Variants in CEP126 observed in about 807,000 individuals in gnomAD.
CEP126 encodes the protein centrosomal protein of 126 kDa.
In CEP126, 74 loss-of-function variants were observed where a neutral mutation model predicts 107.8. That is an observed-to-expected ratio of 0.69 (90% confidence interval 0.57 to 0.83). The LOEUF is 0.83. CEP126 is among the 40% of genes least tolerant of loss of function. The pLI, the probability that CEP126 is intolerant of heterozygous loss-of-function variation, is 0.00. For synonymous variants in CEP126, 449 were observed against 446.0 expected (o/e 1.01, Z -0.08); for missense variants, 1,237 against 1,281.9 (o/e 0.96, Z 0.53).
intron 2 of CEP126, among the ~76,000 whole-genome samples, chr11:101,939,293 CTGA>C (rs1940634660): frequency 6.6e-6 from 1 of 152,038 alleles, no homozygotes; most frequent in Non-Finnish European, 1.5e-5. Flanking sequence ...TTGTGTCTTC[CTGA>C]TGAATTGACC....
At chr11:101,948,911 T>A (rs1246820581) in intron 4 of CEP126, among the ~76,000 whole-genome samples, 2 of 152,218 alleles carry the variant, frequency 1.3e-5, no homozygotes, top group East Asian at 3.8e-4. Context: ...GTTAATATTT[T>A]ACCTGTGCAT....
intron 3 of CEP126, 25 bp from the exon 4 acceptor site, chr11:101,948,006 T>C: frequency 2.2e-6 from 3 of 1,342,024 alleles, no homozygotes; most frequent in Non-Finnish European, 3.2e-6. Context: ...GATTCTGTAC[T>C]GTTCGGTCTT....
intron 6 of CEP126, among the ~76,000 whole-genome samples, chr11:101,971,374 A>G (rs1941126590): frequency 1.3e-5 from 2 of 152,174 alleles, no homozygotes; most frequent in Non-Finnish European, 2.9e-5. Flanking sequence ...GATGGCACAG[A>G]GTATCAAAGG....
intron 8 of CEP126, among the ~76,000 whole-genome samples, chr11:101,984,980 A>G (rs1404224780): frequency 6.6e-6 from 1 of 152,228 alleles, no homozygotes; most frequent in Admixed American, 6.5e-5. Flanking sequence ...TGTGGTGCTT[A>G]GTTGCCCTGA....
intron 7 of CEP126, among the ~76,000 whole-genome samples, chr11:101,979,488 C>T (rs1006753186): frequency 2.0e-5 from 3 of 152,146 alleles, no homozygotes; most frequent in Non-Finnish European, 4.4e-5. Flanking sequence ...TGGCTCATGC[C>T]TGTAGTCCCA....
chr11:102,000,854 A>G lies in CEP126; in HGVS notation c.*3211A>G, dbSNP rs193142770. 2.3e-4 allele frequency: 35 copies of G among 152,338 alleles called. No individual in the cohort carries two copies. The highest frequency in any genetic ancestry group is 1.0e-3 in the Admixed American group (16 of 15,310). 9.4% of individuals were successfully genotyped at this position (152,338 alleles called of 1,614,324 possible). On this transcript the variant is annotated 3_prime_UTR_variant, in exon 11 of 11. Coordinates refer to ENST00000263468, the MANE Select transcript of CEP126 (RefSeq NM_020802.4). ...AAAATTGGCATCAGGAAGGATTACC[A>G]TGAACTTATTTTAAATCCATATTGT...
At chr11:101,947,111 G>C (rs2137098509) in intron 3 of CEP126, among the ~76,000 whole-genome samples, 1 of 151,958 alleles carries the variant, frequency 6.6e-6, no homozygotes, top group African/African-American at 2.4e-5. Flanking sequence ...TCCTATTTTT[G>C]CTTAAACATT....
In CEP126 at chr11:102,000,745, A is replaced by G. The variant is rs531262564; in HGVS notation, c.*3102A>G. On this transcript the variant is annotated 3_prime_UTR_variant, in exon 11 of 11. Transcript: ENST00000263468. ...TAATCTCTTGGGCAAAAGGTATCAA[A>G]TAATTGAAAGAAAAGTTTAAACACA... 2 of 152,208 alleles carry G rather than the reference A, an allele frequency of 1.3e-5. No individual in the cohort carries two copies. The highest frequency in any genetic ancestry group is 2.9e-5 in the Non-Finnish European group (2 of 68,032). 9.4% of individuals were successfully genotyped at this position (152,208 alleles called of 1,614,324 possible). A position where few individuals can be genotyped will look rare whatever the true frequency, so the allele number is the denominator to read the frequency against.
At chr11:101,984,450 A>G (rs1173907992) in intron 8 of CEP126, among the ~76,000 whole-genome samples, 1 of 152,252 alleles carries the variant, frequency 6.6e-6, no homozygotes, top group Non-Finnish European at 1.5e-5. Flanking sequence ...AGAAGTGGAT[A>G]TCAAAGAGGT....
chr11:101,948,066 C>T lies in CEP126; in HGVS notation c.430C>T (p.Leu144Phe). Residue 144 changes from leucine (L) to phenylalanine (F), a missense_variant, in exon 4 of 11, where the codon CTC becomes TTC. Physicochemically the swap from Leu to Phe is conservative, Grantham distance 22. Around this residue, in one of 3 missense-constraint regions of CEP126, gnomAD observed 1,134 missense variants for 1,150.5 expected, o/e 0.99. Transcript: ENST00000263468. ...ACCAGTTCCTCCATTAGAAGAGGCC[C>T]TCAAACAAATTCAGGAATCCAACTT... ...RKPVPPLEEALKQIQESNLKS... is the reference protein window; with the variant it reads ...RKPVPPLEEAFKQIQESNLKS... 3 of 1,611,654 alleles carry T rather than the reference C, an allele frequency of 1.9e-6. No individual in the cohort carries two copies. The highest frequency in any genetic ancestry group is 2.5e-6 in the Non-Finnish European group (3 of 1,178,440).
chr11:101,950,562 T>C (rs939677802), intron 4 of CEP126, among the ~76,000 whole-genome samples: 1 of 152,212 alleles, frequency 6.6e-6, no homozygotes, highest in Non-Finnish European at 1.5e-5. Context: ...CATGTAATAC[T>C]GTATAATGGG....
intron 6 of CEP126, among the ~76,000 whole-genome samples, chr11:101,966,553 C>T (rs145841365): frequency 5.5e-4 from 83 of 152,276 alleles, no homozygotes; most frequent in African/African-American, 1.8e-3. Context: ...TTATTTCCCC[C>T]CTAAAAGATG....
chr11:101,981,123 G>A (rs1214274591), intron 7 of CEP126, among the ~76,000 whole-genome samples: 1 of 152,164 alleles, frequency 6.6e-6, no homozygotes, highest in Non-Finnish European at 1.5e-5. Flanking sequence ...AAGGTTCTGT[G>A]CAGCATTGGG....
At position 101,987,020 on chromosome 11, in the gene CEP126, G is replaced by T. The variant is rs1396001228; in HGVS notation, c.3223G>T (p.Asp1075Tyr). 2.5e-6 allele frequency: 4 copies of T among 1,610,378 alleles called. No homozygotes were observed. The highest frequency in any genetic ancestry group is 1.3e-5 in the African/African-American group (1 of 74,782). ...EEQKILESLN[D>Y]LSERLHYIQE... ...ACAGAAGATCCTAGAGTCCCTTAAT[G>T]ATCTCAGTGAAAGACTACATTGTAA... Residue 1075 changes from aspartate (D) to tyrosine (Y), a missense_variant, in exon 9 of 11, where the codon GAT becomes TAT. Coordinates refer to ENST00000263468, the MANE Select transcript of CEP126 (RefSeq NM_020802.4).
chr11:101,997,559 G>A, intron 10 of CEP126, 40 bp from the exon 11 acceptor site: 2 of 1,613,734 alleles, frequency 1.2e-6, no homozygotes, highest in Non-Finnish European at 1.7e-6. Flanking sequence ...CAGTGTTTTG[G>A]CATGTGTTTG....
At chr11:101,988,166 A>T (rs890704466) in intron 9 of CEP126, among the ~76,000 whole-genome samples, 12 of 152,224 alleles carry the variant, frequency 7.9e-5, no homozygotes, top group African/African-American at 2.9e-4. Context: ...AGTCATTTTT[A>T]AACTTAAACA....
chr11:101,936,028 G>A (rs776846701), intron 2 of CEP126, among the ~76,000 whole-genome samples: 38 of 152,192 alleles, frequency 2.5e-4, no homozygotes, highest in Middle Eastern at 3.4e-3. Flanking sequence ...CTTATTCTAG[G>A]TATTTTTACT....
intron 6 of CEP126, among the ~76,000 whole-genome samples, chr11:101,964,216 T>C (rs1474678295): frequency 2.7e-5 from 4 of 150,584 alleles, no homozygotes; most frequent in Non-Finnish European, 5.9e-5. Flanking sequence ...GGAAGAAGAA[T>C]TGCTTGAACC....
intron 1 of CEP126, among the ~76,000 whole-genome samples, 172 bp downstream of exon 1, chr11:101,915,584 C>T (rs886144603): frequency 2.0e-5 from 3 of 152,116 alleles, no homozygotes; most frequent in African/African-American, 7.2e-5. Flanking sequence ...TGAAATTATA[C>T]CATTTTATCT....
Sources: gnomAD v4.1 joint callset for allele counts (sites outside exome capture counted in the v4.1 genomes callset) on GRCh38, gnomAD v4.1.1 for gene constraint, gnomAD v4.1.1 regional missense constraint, MANE v1.5 for transcripts, NCBI Gene and HGNC (gene_info 2026-07-23, HGNC 2026-07-21) for gene names.